The following ADGRL3 variants were observed in gnomAD, a reference collection of about 807,000 sequenced individuals.
ADGRL3 encodes the protein calcium-independent alpha-latrotoxin receptor 3.
ADGRL3 carries 62 observed loss-of-function variants against 153.5 expected under a neutral mutation model. The observed-to-expected ratio is 0.40, with a 90% CI of 0.33 to 0.50. The LOEUF (loss-of-function observed/expected upper bound fraction) is 0.50, where lower values mean the gene tolerates loss of function less well. ADGRL3 is among the 20% of genes least tolerant of loss of function. ADGRL3 has a pLI of 0.47. For synonymous variants in ADGRL3, 710 were observed against 672.5 expected (o/e 1.06, Z -0.86); for missense variants, 1,641 against 1,859.4 (o/e 0.88, Z 2.16).
At chr4:61,681,789 A>G (rs1052825920) in intron 6 of ADGRL3, among the ~76,000 whole-genome samples, 1 of 152,118 alleles carries the variant, frequency 6.6e-6, no homozygotes, top group African/African-American at 2.4e-5. Context: ...AAATGTGTAC[A>G]CATTTGGTTA....
chr4:61,908,672 A>C (rs1449263951), intron 11 of ADGRL3, among the ~76,000 whole-genome samples: 1 of 151,234 alleles, frequency 6.6e-6, no homozygotes, highest in Non-Finnish European at 1.5e-5. Flanking sequence ...GATGTTCATT[A>C]TTTTTACTTT....
Position 61,996,424 on chromosome 4 carries a change from G to A in ADGRL3, c.3303+67G>A, listed in dbSNP as rs371953078. 3.2e-4 allele frequency: 349 copies of A among 1,080,446 alleles called. 3 individuals are homozygous for A. In the African/African-American group the frequency reaches 4.9e-3, roughly 15 times the overall value. 66.9% of individuals were successfully genotyped at this position (1,080,446 alleles called of 1,614,324 possible). A position where few individuals can be genotyped will look rare whatever the true frequency, so the allele number is the denominator to read the frequency against. ...GTAAAACTTTCACTATCCCAGTACT[G>A]ACTGTCTTTAATTTACAGAGGTTAA... On this transcript the variant is annotated intron_variant, in intron 20 of 26. Coordinates refer to ENST00000683033, the MANE Select transcript of ADGRL3 (RefSeq NM_001387552.1).
At chr4:61,597,533 G>A (rs2098993977) in intron 5 of ADGRL3, among the ~76,000 whole-genome samples, 1 of 151,850 alleles carries the variant, frequency 6.6e-6, no homozygotes, top group South Asian at 2.1e-4. Context: ...GTGCATCAAT[G>A]TTATATGAAA....
At chr4:61,794,997 T>C (rs1416642548) in intron 8 of ADGRL3, among the ~76,000 whole-genome samples, 1 of 152,202 alleles carries the variant, frequency 6.6e-6, no homozygotes, top group Non-Finnish European at 1.5e-5. Context: ...TCCTATGCAG[T>C]AAAAGCACTT....
intron 1 of ADGRL3, among the ~76,000 whole-genome samples, chr4:61,344,489 A>G (rs914189608): frequency 1.3e-5 from 2 of 152,206 alleles, no homozygotes; most frequent in Non-Finnish European, 2.9e-5. Flanking sequence ...AGGTCAGCCA[A>G]AGTCCTGCTT....
intron 2 of ADGRL3, among the ~76,000 whole-genome samples, chr4:61,445,057 GAA>G (rs11436954): frequency 6.6e-6 from 1 of 151,044 alleles, no homozygotes; most frequent in South Asian, 2.1e-4. Context: ...GTCTAAAAAA[GAA>G]AAAAAAATGC....
chr4:61,459,885 T>G (rs2097790581), intron 2 of ADGRL3, among the ~76,000 whole-genome samples: 1 of 152,192 alleles, frequency 6.6e-6, no homozygotes, highest in South Asian at 2.1e-4. Context: ...GTCATTTGTA[T>G]GCTGTCTTTG....
intron 1 of ADGRL3, among the ~76,000 whole-genome samples, chr4:61,241,007 C>T (rs1754700066): frequency 6.6e-6 from 1 of 151,754 alleles, no homozygotes; most frequent in African/African-American, 2.4e-5. Context: ...TGCATTAGTT[C>T]ATTTAAAATC....
chr4:61,318,027 A>G (rs754409387), intron 1 of ADGRL3, among the ~76,000 whole-genome samples: 3 of 151,726 alleles, frequency 2.0e-5, no homozygotes, highest in Non-Finnish European at 2.9e-5. Context: ...AACACAAGAA[A>G]TTAGCTGGGC....
intron 9 of ADGRL3, among the ~76,000 whole-genome samples, chr4:61,829,542 C>T (rs1243503039): frequency 6.6e-6 from 1 of 152,088 alleles, no homozygotes; most frequent in Admixed American, 6.5e-5. Flanking sequence ...CAATGAATTT[C>T]AGTTTGATTT....
intron 4 of ADGRL3, among the ~76,000 whole-genome samples, chr4:61,526,437 G>T (rs1403097386): frequency 6.6e-6 from 1 of 151,458 alleles, no homozygotes; most frequent in Non-Finnish European, 1.5e-5. Flanking sequence ...TTGGTTAATT[G>T]TAAATCATTA....
At chr4:61,710,532 G>A (rs997650176) in intron 6 of ADGRL3, among the ~76,000 whole-genome samples, 1 of 152,154 alleles carries the variant, frequency 6.6e-6, no homozygotes, top group African/African-American at 2.4e-5. Flanking sequence ...CAGAACTGTA[G>A]CAGTTTATTG....
At chr4:61,226,820 C>A (rs1748193860) in intron 1 of ADGRL3, among the ~76,000 whole-genome samples, 1 of 151,872 alleles carries the variant, frequency 6.6e-6, no homozygotes, top group Non-Finnish European at 1.5e-5. Flanking sequence ...AAAATGGATT[C>A]TTTACAAAAA....
At chr4:61,699,666 C>A (rs1034514312) in intron 6 of ADGRL3, among the ~76,000 whole-genome samples, 3 of 151,934 alleles carry the variant, frequency 2.0e-5, no homozygotes, top group Non-Finnish European at 4.4e-5. Flanking sequence ...ATTGTATGTT[C>A]GACATTTTTG....
chr4:61,477,477 A>G (rs1310659775), intron 2 of ADGRL3, among the ~76,000 whole-genome samples: 1 of 152,310 alleles, frequency 6.6e-6, no homozygotes, highest in Non-Finnish European at 1.5e-5. Flanking sequence ...ATCTGCACCA[A>G]AGTGCTTGAT....
chr4:61,494,288 A>G (rs2098288991), intron 2 of ADGRL3, among the ~76,000 whole-genome samples: 1 of 152,144 alleles, frequency 6.6e-6, no homozygotes, highest in African/African-American at 2.4e-5. Context: ...ATGCACGTGT[A>G]TGTGTATCTG....
intron 1 of ADGRL3, among the ~76,000 whole-genome samples, chr4:61,327,540 A>T (rs533363358): frequency 6.6e-6 from 1 of 152,170 alleles, no homozygotes; most frequent in African/African-American, 2.4e-5. Context: ...TCGTCTAATC[A>T]GATTAAAATT....
At chr4:61,887,590 T>C (rs2149543089) in intron 9 of ADGRL3, among the ~76,000 whole-genome samples, 1 of 152,334 alleles carries the variant, frequency 6.6e-6, no homozygotes, top group East Asian at 1.9e-4. Context: ...CCCACACCTG[T>C]AATCCCAACA....
At chr4:61,332,472 AAGGC>A (rs1160751712) in intron 1 of ADGRL3, among the ~76,000 whole-genome samples, 1 of 152,098 alleles carries the variant, frequency 6.6e-6, no homozygotes, top group Non-Finnish European at 1.5e-5. Flanking sequence ...TTCTTTGATA[AAGGC>A]TTATAACGCC....
Sources: allele counts gnomAD v4.1 joint callset (sites outside exome capture counted in the v4.1 genomes callset), GRCh38; gene constraint gnomAD v4.1.1; transcripts MANE v1.5; gene names NCBI Gene and HGNC (gene_info 2026-07-23, HGNC 2026-07-21).